Variants in ROBO2 observed in about 807,000 individuals in gnomAD.
The protein encoded by ROBO2 is roundabout guidance receptor 2.
In ROBO2, 53 loss-of-function variants were observed where a neutral mutation model predicts 160.8. That is an observed-to-expected ratio of 0.33 (90% confidence interval 0.26 to 0.41). ROBO2 has a LOEUF of 0.41. ROBO2 is among the 10% of genes least tolerant of loss of function. The probability of loss-of-function intolerance (pLI) is 1.00; values close to 1 mark genes in which losing one functional copy is unlikely to be tolerated. For synonymous variants in ROBO2, 664 were observed against 611.7 expected (o/e 1.09, Z -1.26); for missense variants, 1,577 against 1,722.4 (o/e 0.92, Z 1.49).
At chr3:76,177,715 G>A in intron 2 of ROBO2, among the ~76,000 whole-genome samples, 1 of 152,074 alleles carries the variant, frequency 6.6e-6, no homozygotes, top group Non-Finnish European at 1.5e-5. Flanking sequence ...TATCGTCCCT[G>A]CCAGCTGCAA....
At chr3:76,009,389 C>A (rs1364847110) in intron 2 of ROBO2, among the ~76,000 whole-genome samples, 1 of 152,192 alleles carries the variant, frequency 6.6e-6, no homozygotes, top group African/African-American at 2.4e-5. Context: ...AGGCGTAAGC[C>A]ACCGCGCCTG....
intron 2 of ROBO2, among the ~76,000 whole-genome samples, chr3:76,279,206 T>C (rs1213866760): frequency 1.3e-5 from 2 of 151,534 alleles, no homozygotes; most frequent in African/African-American, 2.4e-5. Flanking sequence ...CTCACTTTTT[T>C]TGGGGAAATT....
intron 2 of ROBO2, among the ~76,000 whole-genome samples, chr3:77,313,441 G>T (rs1484936651): frequency 6.6e-6 from 1 of 152,042 alleles, no homozygotes; most frequent in African/African-American, 2.4e-5. Context: ...TAGTCATCTT[G>T]TAGTGGTATA....
intron 2 of ROBO2, among the ~76,000 whole-genome samples, chr3:76,210,534 A>G (rs914168170): frequency 3.9e-5 from 6 of 152,106 alleles, no homozygotes; most frequent in Non-Finnish European, 5.9e-5. Context: ...TTTGTTCTCA[A>G]TCAATACCAA....
chr3:76,448,096 A>G, intron 2 of ROBO2, among the ~76,000 whole-genome samples: 1 of 152,130 alleles, frequency 6.6e-6, no homozygotes, highest in Middle Eastern at 3.4e-3. Flanking sequence ...AAACAAAAAA[A>G]GAAAAAACAA....
chr3:76,234,930 T>C (rs1704847975), intron 2 of ROBO2, among the ~76,000 whole-genome samples: 1 of 152,128 alleles, frequency 6.6e-6, no homozygotes, highest in Non-Finnish European at 1.5e-5. Flanking sequence ...GTACCCAGTC[T>C]CTCTTGTAGC....
At chr3:77,302,273 A>T (rs2153413706) in intron 2 of ROBO2, among the ~76,000 whole-genome samples, 1 of 152,194 alleles carries the variant, frequency 6.6e-6, no homozygotes, top group East Asian at 1.9e-4. Flanking sequence ...AAAAAAAAAG[A>T]TATTAATCGT....
At chr3:77,504,843 G>A (rs1172554967) in intron 5 of ROBO2, among the ~76,000 whole-genome samples, 1 of 152,096 alleles carries the variant, frequency 6.6e-6, no homozygotes, top group Non-Finnish European at 1.5e-5. Flanking sequence ...TGATATTTGA[G>A]GCTCTTTATG....
chr3:77,366,386 A>T (rs1047695139), intron 2 of ROBO2, among the ~76,000 whole-genome samples: 7 of 151,980 alleles, frequency 4.6e-5, no homozygotes, highest in Non-Finnish European at 1.0e-4. Flanking sequence ...GTGCCCTTAG[A>T]AAGGAGGGCC....
chr3:77,447,539 A>G (rs1473166131), intron 2 of ROBO2, among the ~76,000 whole-genome samples: 2 of 152,154 alleles, frequency 1.3e-5, no homozygotes, highest in Non-Finnish European at 2.9e-5. Flanking sequence ...CTTGAGTAAT[A>G]TCTCTGGAAA....
chr3:77,299,091 T>G (rs2062418248), intron 2 of ROBO2, among the ~76,000 whole-genome samples: 1 of 152,106 alleles, frequency 6.6e-6, no homozygotes, highest in Non-Finnish European at 1.5e-5. Flanking sequence ...AAGAAAGCAT[T>G]TTAGAAAGAG....
intron 2 of ROBO2, among the ~76,000 whole-genome samples, chr3:76,072,413 A>G (rs977253094): frequency 2.0e-5 from 3 of 152,090 alleles, no homozygotes; most frequent in African/African-American, 7.2e-5. Flanking sequence ...TCTTAGTTGT[A>G]TTTTATTTTT....
At chr3:77,609,910 A>C (rs1461476597) in intron 21 of ROBO2, among the ~76,000 whole-genome samples, 1 of 150,360 alleles carries the variant, frequency 6.7e-6, no homozygotes, top group Non-Finnish European at 1.5e-5. Flanking sequence ...TACTAAAAAT[A>C]GTGGTTAGAT....
chr3:75,950,604 T>C (rs4856049), intron 2 of ROBO2, among the ~76,000 whole-genome samples: 150,730 of 152,022 alleles, frequency 0.99, 74,733 homozygotes, highest in Middle Eastern at 1. Flanking sequence ...CTTTGAATAA[T>C]GACATTTCAT....
chr3:77,303,157 C>T (rs1055022121), intron 2 of ROBO2, among the ~76,000 whole-genome samples: 17 of 152,214 alleles, frequency 1.1e-4, no homozygotes, highest in East Asian at 3.9e-4. Flanking sequence ...TGGGTATAAC[C>T]GCACCTCCAT....
At chr3:77,113,327 T>C (rs976111778) in intron 2 of ROBO2, among the ~76,000 whole-genome samples, 1 of 152,214 alleles carries the variant, frequency 6.6e-6, no homozygotes, top group Non-Finnish European at 1.5e-5. Context: ...CAGGATTTTG[T>C]ATTAAAAGCA....
At chr3:77,004,049 G>C (rs1286445408) in intron 2 of ROBO2, among the ~76,000 whole-genome samples, 1 of 151,990 alleles carries the variant, frequency 6.6e-6, no homozygotes, top group African/African-American at 2.4e-5. Flanking sequence ...TTTTGTTTCA[G>C]GTGATAAATC....
At chr3:76,505,488 T>G (rs1232357297) in intron 2 of ROBO2, among the ~76,000 whole-genome samples, 1 of 152,186 alleles carries the variant, frequency 6.6e-6, no homozygotes, top group African/African-American at 2.4e-5. Flanking sequence ...ACAGGGTTTT[T>G]GCATATGTAC....
At chr3:76,519,789 TAA>T (rs2081508817) in intron 2 of ROBO2, among the ~76,000 whole-genome samples, 1 of 152,176 alleles carries the variant, frequency 6.6e-6, no homozygotes, top group Non-Finnish European at 1.5e-5. Context: ...CCTTTTTTCT[TAA>T]AGTTTCTGGC....
Sources: allele counts gnomAD v4.1 joint callset (sites outside exome capture counted in the v4.1 genomes callset), GRCh38; gene constraint gnomAD v4.1.1; transcripts MANE v1.5; gene names NCBI Gene and HGNC (gene_info 2026-07-23, HGNC 2026-07-21).